LGSN: variants seen among roughly 807,000 people sequenced by gnomAD.
LGSN encodes the protein lengsin.
A neutral mutation model predicts 19.5 loss-of-function variants in LGSN; 21 were observed. That is an observed-to-expected ratio of 1.07 (90% CI 0.76 to 1.55). The LOEUF (loss-of-function observed/expected upper bound fraction) is 1.55, where lower values mean the gene tolerates loss of function less well. LGSN is among the 40% of genes most tolerant of loss of function. The pLI is 0.00. For missense variants in LGSN, 673 were observed against 608.5 expected (o/e 1.11, Z -1.12); for synonymous variants, 257 against 215.6 (o/e 1.19, Z -1.68).
At chr6:63,549,752 A>C in the LGSN span, among the ~76,000 whole-genome samples, 150 of 152,312 alleles carry the variant, frequency 9.8e-4, no homozygotes, top group Non-Finnish European at 1.8e-3. Context: ...GGAAGCTAAA[A>C]AAAAAAGTTG....
At chr6:63,348,967 T>A in the LGSN span, among the ~76,000 whole-genome samples, 1 of 152,098 alleles carries the variant, frequency 6.6e-6, no homozygotes, top group Non-Finnish European at 1.5e-5. Flanking sequence ...TTTGGAAGAG[T>A]TAGCATTGGA....
chr6:63,391,986 A>G, the LGSN span, among the ~76,000 whole-genome samples: 1 of 152,244 alleles, frequency 6.6e-6, no homozygotes, highest in Non-Finnish European at 1.5e-5. Context: ...TAAAAATTAC[A>G]AAACAACAAC....
At chr6:63,464,743 C>T in the LGSN span, among the ~76,000 whole-genome samples, 1 of 151,812 alleles carries the variant, frequency 6.6e-6, no homozygotes, top group Non-Finnish European at 1.5e-5. Flanking sequence ...TTAAAACTCC[C>T]TGGCCAAACG....
the LGSN span, among the ~76,000 whole-genome samples, chr6:63,336,551 G>GTATATATA: frequency 7.1e-6 from 1 of 139,916 alleles, no homozygotes; most frequent in African/African-American, 3.0e-5. Context: ...GTGTGTGTGT[G>GTATATATA]TGTGTGTGTG....
At chr6:63,461,696 G>A in the LGSN span, among the ~76,000 whole-genome samples, 4 of 152,170 alleles carry the variant, frequency 2.6e-5, no homozygotes. Flanking sequence ...GTTGGCAAAG[G>A]ACAGATCCCA....
chr6:63,417,231 T>C, the LGSN span, among the ~76,000 whole-genome samples: 1 of 152,120 alleles, frequency 6.6e-6, no homozygotes, highest in Non-Finnish European at 1.5e-5. Context: ...GCTGCAGCAA[T>C]TCCTTTCCAT....
chr6:63,536,236 A>G, the LGSN span, among the ~76,000 whole-genome samples: 119 of 152,288 alleles, frequency 7.8e-4, no homozygotes, highest in African/African-American at 2.8e-3. Context: ...AGGCTGAGGC[A>G]GGAGAATCGC....
chr6:63,373,242 A>G, the LGSN span, among the ~76,000 whole-genome samples: 6 of 152,216 alleles, frequency 3.9e-5, no homozygotes, highest in African/African-American at 1.4e-4. Flanking sequence ...ATGAAAAGAA[A>G]AAAGATATTT....
the LGSN span, among the ~76,000 whole-genome samples, chr6:63,485,883 C>T: frequency 6.6e-6 from 1 of 152,094 alleles, no homozygotes; most frequent in African/African-American, 2.4e-5. Flanking sequence ...CACGCACCAC[C>T]ATGCCCAGCT....
intron 2 of LGSN, among the ~76,000 whole-genome samples, chr6:63,288,044 T>C (rs1308189180): frequency 6.6e-6 from 1 of 151,510 alleles, no homozygotes; most frequent in East Asian, 1.9e-4. Flanking sequence ...TGAAACCCCG[T>C]CTCTACAAAA....
At chr6:63,506,066 T>C in the LGSN span, among the ~76,000 whole-genome samples, 1 of 152,212 alleles carries the variant, frequency 6.6e-6, no homozygotes, top group African/African-American at 2.4e-5. Flanking sequence ...TCATCAGGAG[T>C]AGAGTGGAAG....
the LGSN span, among the ~76,000 whole-genome samples, chr6:63,529,135 G>GTATATATATATA: frequency 1.1e-4 from 15 of 133,912 alleles, no homozygotes; most frequent in African/African-American, 3.7e-4. Context: ...ATATATGTGT[G>GTATATATATATA]TGTATATATA....
chr6:63,285,871 T>C, intron 2 of LGSN, 118 bp from the exon 3 acceptor site: 2 of 748,156 alleles, frequency 2.7e-6, no homozygotes, highest in Admixed American at 2.8e-5. Context: ...ATATTCATCA[T>C]GTCACTGGCT....
At chr6:63,511,246 C>CTTT in the LGSN span, among the ~76,000 whole-genome samples, 75 of 131,454 alleles carry the variant, frequency 5.7e-4, no homozygotes, top group Middle Eastern at 4.5e-3. Context: ...AAATAGATTT[C>CTTT]TTTTTTTTTT....
At chr6:63,432,951 A>C in the LGSN span, among the ~76,000 whole-genome samples, 35 of 151,590 alleles carry the variant, frequency 2.3e-4, no homozygotes, top group African/African-American at 7.5e-4. Context: ...TGAAAAGATA[A>C]AAATCTATGC....
At chr6:63,409,999 T>C in the LGSN span, among the ~76,000 whole-genome samples, 1 of 152,164 alleles carries the variant, frequency 6.6e-6, no homozygotes, top group African/African-American at 2.4e-5. Context: ...ATAGTGCTAC[T>C]GCACTTCAGC....
chr6:63,460,641 C>T, the LGSN span, among the ~76,000 whole-genome samples: 2 of 152,104 alleles, frequency 1.3e-5, no homozygotes, highest in African/African-American at 4.8e-5. Flanking sequence ...TCCTTCCCTC[C>T]TACTATTACT....
chr6:63,530,071 GATAATAACAGT>G, the LGSN span, among the ~76,000 whole-genome samples: 1 of 151,992 alleles, frequency 6.6e-6, no homozygotes, highest in Non-Finnish European at 1.5e-5. Flanking sequence ...ATAGGGCAAG[GATAATAACAGT>G]ATAGATTTCT....
At chr6:63,550,045 G>A in the LGSN span, among the ~76,000 whole-genome samples, 16 of 152,088 alleles carry the variant, frequency 1.1e-4, no homozygotes, top group Admixed American at 2.6e-4. Flanking sequence ...TATGTTATAC[G>A]TGTCATATCA....
Sources: gnomAD v4.1 joint callset for allele counts (sites outside exome capture counted in the v4.1 genomes callset) on GRCh38, gnomAD v4.1.1 for gene constraint, MANE v1.5 for transcripts, NCBI Gene and HGNC (gene_info 2026-07-23, HGNC 2026-07-21) for gene names.